The following TEF variants were observed in gnomAD, a reference collection of about 807,000 sequenced individuals.
TEF encodes the protein TEF transcription factor, PAR bZIP family member.
TEF carries 3 observed loss-of-function variants against 20.8 expected under a neutral mutation model. That is an observed-to-expected ratio of 0.14 (90% confidence interval 0.07 to 0.37). The LOEUF (loss-of-function observed/expected upper bound fraction) is 0.37. TEF is among the 10% of genes least tolerant of loss of function. TEF has a pLI of 1.00. For synonymous variants in TEF, 180 were observed against 171.1 expected (o/e 1.05, Z -0.41); for missense variants, 296 against 397.9 (o/e 0.74, Z 2.18).
At chr22:41,375,373 C>G (rs1056193463) in intron 1 of TEF, among the ~76,000 whole-genome samples, 1 of 152,208 alleles carries the variant, frequency 6.6e-6, no homozygotes, top group Non-Finnish European at 1.5e-5. Flanking sequence ...CTTGTGCGGG[C>G]AGACTTGCCA....
chr22:41,377,264 TGC>T (rs2036954243), upstream of TEF: 1 of 152,260 alleles, frequency 6.6e-6, no homozygotes, highest in Non-Finnish European at 1.5e-5. Flanking sequence ...TTTTAGTATT[TGC>T]GCTGCTGAGG....
In TEF at chr22:41,396,990, T is replaced by A; in HGVS notation, c.*1030T>A. 2.5e-6 allele frequency: 1 copy of A among 398,774 alleles called. No homozygotes were observed. The highest frequency in any genetic ancestry group is 4.4e-6 in the Non-Finnish European group (1 of 226,212). The allele number at this position is 398,774 out of a possible 1,614,324, so 24.7% of individuals were successfully genotyped here. A position where few individuals can be genotyped will look rare whatever the true frequency, so the allele number is the denominator to read the frequency against. On this transcript the variant is annotated 3_prime_UTR_variant, in exon 4 of 4. Coordinates refer to ENST00000266304, the MANE Select transcript of TEF (RefSeq NM_003216.4). Reference sequence around the variant, plus strand: ...TTTCTTGAGAAGCTCCCTTTTTTCTTGCTCTGCTCACCGGTGTGGCCTGGG... The same window carrying A: ...TTTCTTGAGAAGCTCCCTTTTTTCTAGCTCTGCTCACCGGTGTGGCCTGGG...
At chr22:41,392,109 TATC>T (rs1212892610) in intron 2 of TEF, among the ~76,000 whole-genome samples, 2 of 152,218 alleles carry the variant, frequency 1.3e-5, no homozygotes, top group African/African-American at 4.8e-5. Context: ...TGTATACTCC[TATC>T]AGTAGCATTG....
intron 3 of TEF, 89 bp from the exon 4 acceptor site, chr22:41,395,656 G>A: frequency 7.5e-7 from 1 of 1,325,012 alleles, no homozygotes; most frequent in Non-Finnish European, 1.1e-6. Flanking sequence ...CACACCAGAT[G>A]AGTTAGGGGA....
At chr22:41,369,854 T>A (rs1018822311) in intron 1 of TEF, 6 of 980,806 alleles carry the variant, frequency 6.1e-6, no homozygotes, top group Non-Finnish European at 7.3e-6. Flanking sequence ...CTTGCTTTGG[T>A]GGACTTCCTG....
chr22:41,375,263 C>G lies in TEF; in HGVS notation c.67+7664C>G, dbSNP rs913387993. 1.3e-5 allele frequency among the ~76,000 whole-genome samples: 2 copies of G among 152,182 alleles called. 1 individual carries two copies. The highest frequency in any genetic ancestry group is 4.8e-5 in the African/African-American group (2 of 41,440). ...GGCAAGAATCAGTAAAGAGCCTCCA[C>G]CCACCACTTCTCCCCTGGAACACAC... On this transcript the variant is annotated intron_variant, in intron 1 of 3. Transcript: ENST00000406644.
chr22:41,375,601 A>T (rs1183319817), intron 1 of TEF, among the ~76,000 whole-genome samples: 1 of 151,962 alleles, frequency 6.6e-6, no homozygotes, highest in Non-Finnish European at 1.5e-5. Flanking sequence ...ATACAAAAAA[A>T]TTAGCCGGGC....
chr22:41,388,123 A>T (rs1266460715), intron 2 of TEF, among the ~76,000 whole-genome samples: 1 of 148,012 alleles, frequency 6.8e-6, no homozygotes, highest in African/African-American at 2.5e-5. Context: ...CAGCCTCCTG[A>T]GTAGCTGGGA....
intron 1 of TEF, among the ~76,000 whole-genome samples, chr22:41,385,368 A>G (rs1362640572): frequency 1.3e-5 from 2 of 152,176 alleles, no homozygotes; most frequent in African/African-American, 2.4e-5. Context: ...CTCATAAAAA[A>G]AAAAAAGTTA....
At chr22:41,385,106 G>A (rs1399920244) in intron 1 of TEF, among the ~76,000 whole-genome samples, 1 of 152,104 alleles carries the variant, frequency 6.6e-6, no homozygotes, top group Non-Finnish European at 1.5e-5. Context: ...GCTTATGCCT[G>A]TAATCCCAGC....
chr22:41,383,046 C>T (rs1473255361), intron 1 of TEF: 1 of 470,680 alleles, frequency 2.1e-6, no homozygotes, highest in Non-Finnish European at 4.4e-6. Context: ...GGAGGGCCGC[C>T]TGTGGTGGGG....
At chr22:41,382,654 G>A (rs535347961) in intron 1 of TEF, among the ~76,000 whole-genome samples, 3 of 152,212 alleles carry the variant, frequency 2.0e-5, no homozygotes, top group South Asian at 4.1e-4. Flanking sequence ...GCAGGCCTAG[G>A]GTAGCGAACT....
chr22:41,381,470 C>T (rs1382168132), upstream of TEF, among the ~76,000 whole-genome samples: 1 of 152,170 alleles, frequency 6.6e-6, no homozygotes, highest in Non-Finnish European at 1.5e-5. Context: ...ACACGCCGCG[C>T]GAGCAGGAGC....
chr22:41,368,733 C>T (rs1461659733), intron 1 of TEF, among the ~76,000 whole-genome samples: 2 of 152,166 alleles, frequency 1.3e-5, no homozygotes, highest in South Asian at 2.1e-4. Context: ...CAGGCCCCTC[C>T]GACCACACTC....
intron 1 of TEF, chr22:41,382,954 G>C (rs1299364821): frequency 2.1e-6 from 1 of 471,064 alleles, no homozygotes; most frequent in Admixed American, 2.3e-5. Context: ...TTTTGCCTAG[G>C]CCAGGAACGT....
At chr22:41,381,723 T>C (rs1268959449), upstream of TEF, among the ~76,000 whole-genome samples, 3 of 150,808 alleles carry the variant, frequency 2.0e-5, no homozygotes, top group African/African-American at 7.3e-5. Flanking sequence ...GGGCGGGGCC[T>C]CCGCGAGGGT....
At chr22:41,378,345 T>C (rs2036973031), upstream of TEF, among the ~76,000 whole-genome samples, 3 of 18,710 alleles carry the variant, frequency 1.6e-4, no homozygotes, top group Non-Finnish European at 4.0e-4. Context: ...ACTTTTGCCT[T>C]TTTTTTTTTT....
In TEF at chr22:41,370,666, C is replaced by T. The variant is rs545160513; in HGVS notation, c.67+3067C>T. ...ACCTCCAGTGATCCAGCTGCCTCAGCCTCCCAAAGTGCTGGGATTACAGGC... is the reference window on the plus strand; with the variant it reads ...ACCTCCAGTGATCCAGCTGCCTCAGTCTCCCAAAGTGCTGGGATTACAGGC... On this transcript the variant is annotated intron_variant, in intron 1 of 3. Coordinates refer to the TEF transcript ENST00000406644. 1.1e-4 allele frequency among the ~76,000 whole-genome samples: 17 copies of T among 152,340 alleles called. No individual in the cohort carries two copies. In the South Asian group the frequency reaches 3.5e-3, roughly 32 times the overall value.
At chr22:41,395,593 A>G (rs893888801) in intron 3 of TEF, 152 bp from the exon 4 acceptor site, 7 of 710,152 alleles carry the variant, frequency 9.9e-6, no homozygotes, top group African/African-American at 5.4e-5. Flanking sequence ...AGTGCCCTCA[A>G]TGTGCCCTGG....
Sources: gnomAD v4.1 joint callset for allele counts (sites outside exome capture counted in the v4.1 genomes callset) on GRCh38, gnomAD v4.1.1 for gene constraint, MANE v1.5 for transcripts, NCBI Gene and HGNC (gene_info 2026-07-23, HGNC 2026-07-21) for gene names.